Variants in LARP1B observed in about 807,000 individuals in gnomAD.
The protein encoded by LARP1B is La ribonucleoprotein 1B, also known as la-related protein 1B.
A neutral mutation model predicts 114.2 loss-of-function variants in LARP1B; 76 were observed. That is an observed-to-expected ratio of 0.67 (90% CI 0.55 to 0.81). The LOEUF (loss-of-function observed/expected upper bound fraction) is 0.81, where lower values mean the gene tolerates loss of function less well. LARP1B is among the 30% of genes least tolerant of loss of function. The pLI, the probability that LARP1B is intolerant of heterozygous loss-of-function variation, is 0.00. For synonymous variants in LARP1B, 345 were observed against 348.0 expected (o/e 0.99, Z 0.10); for missense variants, 1,014 against 1,075.8 (o/e 0.94, Z 0.80).
intron 13 of LARP1B, among the ~76,000 whole-genome samples, chr4:128,177,305 T>G (rs1452511856): frequency 6.6e-6 from 1 of 152,244 alleles, no homozygotes; most frequent in Non-Finnish European, 1.5e-5. Flanking sequence ...GTGCCTAGAA[T>G]AGTGCTTGGC....
intron 10 of LARP1B, among the ~76,000 whole-genome samples, chr4:128,117,631 G>T (rs868528564): frequency 8.6e-5 from 13 of 151,858 alleles, no homozygotes; most frequent in Non-Finnish European, 1.5e-5. Flanking sequence ...TGATCCACCC[G>T]CCTCGGCCTC....
intron 12 of LARP1B, among the ~76,000 whole-genome samples, chr4:128,167,496 G>A (rs1741633832): frequency 6.6e-6 from 1 of 151,878 alleles, no homozygotes. Flanking sequence ...GTTTGCAAAT[G>A]TTTTTTCTTA....
intron 11 of LARP1B, among the ~76,000 whole-genome samples, chr4:128,127,786 A>C (rs753899116): frequency 1.7e-4 from 26 of 152,230 alleles, no homozygotes; most frequent in Admixed American, 7.9e-4. Context: ...GTGAGCCGAA[A>C]TTGCGCCATT....
chr4:128,210,596 C>A lies in LARP1B; in HGVS notation c.*543C>A. 2.2e-6 allele frequency: 2 copies of A among 915,440 alleles called. No homozygotes were observed. The highest frequency in any genetic ancestry group is 1.3e-6 in the Non-Finnish European group (1 of 766,194). 56.7% of individuals were successfully genotyped at this position (915,440 alleles called of 1,614,324 possible). A position where few individuals can be genotyped will look rare whatever the true frequency, so the allele number is the denominator to read the frequency against. Reference sequence around the variant, plus strand: ...GAATATGAAATTATACCTTTAGTATCCCTTTGAGACATATAGTTTAAAGAA... The same window carrying A: ...GAATATGAAATTATACCTTTAGTATACCTTTGAGACATATAGTTTAAAGAA... On this transcript the variant is annotated 3_prime_UTR_variant, in exon 20 of 20. Transcript: ENST00000326639.
At chr4:128,156,222 C>A in intron 11 of LARP1B, 6 of 1,552,706 alleles carry the variant, frequency 3.9e-6, no homozygotes, top group Non-Finnish European at 5.3e-6. Flanking sequence ...GAGCCTTACT[C>A]CCTGCAGGTG....
intron 10 of LARP1B, among the ~76,000 whole-genome samples, chr4:128,117,085 G>C (rs975700682): frequency 6.6e-6 from 1 of 151,514 alleles, no homozygotes; most frequent in African/African-American, 2.4e-5. Context: ...CTAATTTTTT[G>C]TATTTTTAAT....
At chr4:128,198,100 G>C (rs1754851397) in intron 15 of LARP1B, among the ~76,000 whole-genome samples, 2 of 151,960 alleles carry the variant, frequency 1.3e-5, no homozygotes, top group South Asian at 4.2e-4. Context: ...GGCCAGGCTG[G>C]TCTCGAACTC....
chr4:128,071,320 C>T (rs1015500723), intron 1 of LARP1B, among the ~76,000 whole-genome samples: 2 of 152,124 alleles, frequency 1.3e-5, no homozygotes, highest in African/African-American at 2.4e-5. Flanking sequence ...GCTGGGATTA[C>T]AGGCGTGAGC....
intron 12 of LARP1B, among the ~76,000 whole-genome samples, chr4:128,164,027 G>C (rs1739643662): frequency 6.6e-6 from 1 of 151,916 alleles, no homozygotes; most frequent in Non-Finnish European, 1.5e-5. Flanking sequence ...ACGTATTCAT[G>C]TTGATATTTT....
chr4:128,122,763 A>AAGG, intron 11 of LARP1B: 1 of 1,184,910 alleles, frequency 8.4e-7, no homozygotes, highest in Non-Finnish European at 1.0e-6. Context: ...ACTTTTTACA[A>AAGG]TCTTGTTCTA....
In LARP1B at chr4:128,200,371, A is replaced by G. The variant is rs980855161; in HGVS notation, c.2165-150A>G. ...AGTAGGGTACCAGTCTGTGGCCTGG[A>G]GGTTGGAGATCCCCACTCTATTTAG... On this transcript the variant is annotated intron_variant, in intron 16 of 19. Transcript: ENST00000326639. 15 of 498,442 alleles carry G rather than the reference A, an allele frequency of 3.0e-5. No individual in the cohort carries two copies. In the Admixed American group the frequency reaches 4.7e-4, roughly 16 times the overall value. The allele number at this position is 498,442 out of a possible 1,614,324, so 30.9% of individuals were successfully genotyped here.
intron 15 of LARP1B, among the ~76,000 whole-genome samples, chr4:128,181,817 T>C (rs1403793370): frequency 1.4e-5 from 2 of 145,148 alleles, no homozygotes; most frequent in African/African-American, 5.1e-5. Flanking sequence ...TTTTTTTTTT[T>C]TTTTTTGAGA....
intron 9 of LARP1B, among the ~76,000 whole-genome samples, chr4:128,109,412 ATTAAAATTTCTAT>A (rs1311513810): frequency 2.6e-5 from 4 of 152,162 alleles, no homozygotes; most frequent in African/African-American, 7.2e-5. Flanking sequence ...CATCAAAGAG[ATTAAAATTTCTAT>A]TTTTTTTCCT....
At chr4:128,145,255 T>A (rs1394603190) in intron 11 of LARP1B, among the ~76,000 whole-genome samples, 1 of 152,062 alleles carries the variant, frequency 6.6e-6, no homozygotes, top group African/African-American at 2.4e-5. Flanking sequence ...TGCTAGTGAG[T>A]CTAGAGTAGG....
At chr4:128,197,839 C>T (rs1754724427) in intron 15 of LARP1B, among the ~76,000 whole-genome samples, 1 of 147,426 alleles carries the variant, frequency 6.8e-6, no homozygotes, top group Admixed American at 6.7e-5. Flanking sequence ...TGCCTTATAA[C>T]TTAATCACAC....
At chr4:128,156,022 C>T in intron 11 of LARP1B, 2 of 1,569,414 alleles carry the variant, frequency 1.3e-6, no homozygotes, top group Non-Finnish European at 1.7e-6. Context: ...TGTGCTTGAA[C>T]CTGCGGCACT....
At chr4:128,097,924 T>C (rs1421316205) in intron 7 of LARP1B, among the ~76,000 whole-genome samples, 1 of 152,206 alleles carries the variant, frequency 6.6e-6, no homozygotes, top group Non-Finnish European at 1.5e-5. Context: ...CTTAATTCTT[T>C]ATATTTAGTG....
chr4:128,194,154 C>T (rs887471065), intron 15 of LARP1B, among the ~76,000 whole-genome samples: 2 of 151,952 alleles, frequency 1.3e-5, no homozygotes, highest in African/African-American at 2.4e-5. Flanking sequence ...CTCACTGCAA[C>T]CTCCACCTCC....
At chr4:128,068,078 C>T (rs1431799473) in intron 1 of LARP1B, among the ~76,000 whole-genome samples, 2 of 152,106 alleles carry the variant, frequency 1.3e-5, no homozygotes, top group African/African-American at 2.4e-5. Context: ...GACGGGGTTT[C>T]ACCACGTTAG....
Sources: allele counts gnomAD v4.1 joint callset (sites outside exome capture counted in the v4.1 genomes callset), GRCh38; gene constraint gnomAD v4.1.1; transcripts MANE v1.5; gene names NCBI Gene and HGNC (gene_info 2026-07-23, HGNC 2026-07-21).